GCLC: variants seen among roughly 807,000 people sequenced by gnomAD.
GCLC encodes the protein glutamate-cysteine ligase catalytic subunit, also known as glutamate--cysteine ligase catalytic subunit.
A neutral mutation model predicts 81.5 loss-of-function variants in GCLC; 30 were observed. That is an observed-to-expected ratio of 0.37 (90% CI 0.28 to 0.50). The LOEUF is 0.50. Among genes scored for constraint, GCLC ranks in the 20% least tolerant of loss-of-function variants. GCLC has a pLI of 0.96. For missense variants in GCLC, 556 were observed against 777.4 expected, an observed-to-expected ratio of 0.72 and a Z score of 3.39; for synonymous variants, 262 against 273.3, an observed-to-expected ratio of 0.96 and a Z score of 0.41.
Position 53,498,527 on chromosome 6 carries a change from G to T in GCLC, c.*229C>A, listed in dbSNP as rs1334047592. The T allele has an allele frequency of 1.7e-5, 9 of 542,354 alleles. No homozygotes were observed. Among genetic ancestry groups the T allele is most frequent in the Admixed American group, 3.2e-5 (1 of 31,116 alleles). 33.6% of individuals were successfully genotyped at this position (542,354 alleles called of 1,614,324 possible). ...TACAAGCCAGTTCATGATGACTTTA[G>T]ATATGTTATTAAAATACATTGTTAA... On this transcript the variant is annotated 3_prime_UTR_variant, in exon 16 of 16. Transcript: ENST00000650454.
intron 1 of GCLC, among the ~76,000 whole-genome samples, chr6:53,541,488 C>T (rs955834885): frequency 1.2e-4 from 19 of 152,202 alleles, no homozygotes; most frequent in Middle Eastern, 6.8e-3. Flanking sequence ...CACCCAGAGA[C>T]ATAACTGAAG....
rs3830796 is a variant in GCLC, at chr6:53,497,649, G to GAAA, written c.*1104_*1106dup. The GAAA allele has an allele frequency of 2.7e-4, 41 of 152,060 alleles. No homozygotes were observed. Among genetic ancestry groups the GAAA allele is most frequent in the African/African-American group, 9.2e-4 (38 of 41,354 alleles). The allele number at this position is 152,060 out of a possible 1,614,324, so 9.4% of individuals were successfully genotyped here. A position where few individuals can be genotyped will look rare whatever the true frequency, so the allele number is the denominator to read the frequency against. On this transcript the variant is annotated 3_prime_UTR_variant, in exon 16 of 16. Transcript: ENST00000650454. ...AGAAGCAGTTGACTTAACTAGTTGA[G>GAAA]AAAAAAAACAACAAACTTCAACGCA... is the stretch of plus-strand genomic sequence containing the variant.
rs1367561496 is a variant in GCLC at position 53,516,266 on chromosome 6, G to C, written c.447-44C>G. ...CTAAATAGATGGGATTTGTTTTCAA[G>C]AATTAATTGTGTGCAGTCTTGCCAT... On this transcript the variant is annotated intron_variant, in intron 3 of 15. Coordinates refer to ENST00000650454, the MANE Select transcript of GCLC (RefSeq NM_001498.4). 12 of 1,267,808 alleles carry C rather than the reference G, an allele frequency of 9.5e-6. No homozygotes were observed. In the African/African-American group the frequency reaches 1.8e-4, roughly 19 times the overall value. 78.5% of individuals were successfully genotyped at this position (1,267,808 alleles called of 1,614,324 possible).
Position 53,506,012 on chromosome 6 carries a change from G to A in GCLC, c.1198-117C>T. 2.8e-6 allele frequency: 2 copies of A among 726,448 alleles called. No individual in the cohort carries two copies. Among genetic ancestry groups the A allele is most frequent in the Admixed American group, 3.9e-5 (2 of 51,732 alleles). The allele number at this position is 726,448 out of a possible 1,614,324, so 45.0% of individuals were successfully genotyped here. On this transcript the variant is annotated intron_variant, in intron 10 of 15. Transcript: ENST00000650454. The surrounding 1 kb of genome is among the most constrained non-coding windows in gnomAD (Gnocchi z 4.0). ...TCACTGTCCATACCAAATTTCAATTGACAAAGACAAAAAGGTACAATTGAA... is the reference window on the plus strand; with the variant it reads ...TCACTGTCCATACCAAATTTCAATTAACAAAGACAAAAAGGTACAATTGAA...
At chr6:53,522,259 G>C (rs1296116021) in intron 2 of GCLC, among the ~76,000 whole-genome samples, 156 bp downstream of exon 2, 1 of 152,162 alleles carries the variant, frequency 6.6e-6, no homozygotes, top group East Asian at 1.9e-4. Flanking sequence ...TTCAGCTATT[G>C]AGTAAAGGAA....
chr6:53,539,873 T>C (rs1763322602), intron 1 of GCLC, among the ~76,000 whole-genome samples: 1 of 152,216 alleles, frequency 6.6e-6, no homozygotes, highest in South Asian at 2.1e-4. Flanking sequence ...TCTGAGCCAC[T>C]AGGCTTCTGA....
At chr6:53,540,706 A>ACACAG (rs1561953695) in intron 1 of GCLC, among the ~76,000 whole-genome samples, 2 of 119,300 alleles carry the variant, frequency 1.7e-5, no homozygotes, top group Non-Finnish European at 3.4e-5. Flanking sequence ...CACACACACA[A>ACACAG]AAGTCCTGGT....
At position 53,545,078 on chromosome 6, in the gene GCLC, T is replaced by C. The variant is rs1483205681; in HGVS notation, c.-433A>G. On this transcript the variant is annotated 5_prime_UTR_variant, in exon 1 of 16. Transcript: ENST00000650454. ...GCCGCCGCGGAGCATGCCCAGTCTTTGCGTCCGCTAGCTCGCCGCTCCTGG... is the reference window on the plus strand; with the variant it reads ...GCCGCCGCGGAGCATGCCCAGTCTTCGCGTCCGCTAGCTCGCCGCTCCTGG... The C allele has an allele frequency of 6.5e-6, 1 of 154,506 alleles. No individual in the cohort carries two copies. The highest frequency in any genetic ancestry group is 1.4e-5 in the Non-Finnish European group (1 of 69,676). The allele number at this position is 154,506 out of a possible 1,614,324, so 9.6% of individuals were successfully genotyped here.
In GCLC at chr6:53,500,418, A is replaced by G; in HGVS notation, c.1477+14T>C. The G allele has an allele frequency of 6.2e-7, 1 of 1,603,818 alleles. No individual in the cohort carries two copies. Among genetic ancestry groups the G allele is most frequent in the Non-Finnish European group, 8.5e-7 (1 of 1,170,548 alleles). ...AGCATAAGCTGACATTAGAAATCTA[A>G]GATAATGTAATACCTTTGCAAATAT... On this transcript the variant is annotated intron_variant, in intron 13 of 15. Coordinates refer to ENST00000650454, the MANE Select transcript of GCLC (RefSeq NM_001498.4).
intron 1 of GCLC, among the ~76,000 whole-genome samples, chr6:53,536,302 G>T (rs1008245944): frequency 1.3e-5 from 2 of 152,162 alleles, no homozygotes; most frequent in African/African-American, 4.8e-5. Flanking sequence ...TGCATGGGAT[G>T]GCCAGAGGAA....
At chr6:53,531,937 C>T (rs1763177867) in intron 1 of GCLC, among the ~76,000 whole-genome samples, 1 of 152,198 alleles carries the variant, frequency 6.6e-6, no homozygotes, top group Non-Finnish European at 1.5e-5. Flanking sequence ...TTCTAAACTA[C>T]TGTTTTTGAA....
intron 12 of GCLC, among the ~76,000 whole-genome samples, chr6:53,503,685 T>C (rs1764556686): frequency 6.6e-6 from 1 of 152,230 alleles, no homozygotes; most frequent in Non-Finnish European, 1.5e-5. Context: ...TACATTTGAG[T>C]TAAATATTTG....
chr6:53,542,358 T>C (rs1763372610), intron 1 of GCLC, among the ~76,000 whole-genome samples: 1 of 152,120 alleles, frequency 6.6e-6, no homozygotes, highest in African/African-American at 2.4e-5. Flanking sequence ...ATTGCAAATC[T>C]CTCCATGAAA....
At chr6:53,516,905 A>G (rs1426238016) in intron 3 of GCLC, among the ~76,000 whole-genome samples, 4 of 152,092 alleles carry the variant, frequency 2.6e-5, no homozygotes, top group Non-Finnish European at 5.9e-5. Context: ...CAAATTCTAC[A>G]TCACTTTTAG....
chr6:53,539,301 T>C (rs748973247), intron 1 of GCLC, among the ~76,000 whole-genome samples: 1 of 152,158 alleles, frequency 6.6e-6, no homozygotes, highest in Non-Finnish European at 1.5e-5. Flanking sequence ...GAACTTCTGT[T>C]TCCCACAGAA....
At chr6:53,526,369 G>A (rs901737671) in intron 1 of GCLC, among the ~76,000 whole-genome samples, 1 of 152,220 alleles carries the variant, frequency 6.6e-6, no homozygotes, top group African/African-American at 2.4e-5. Flanking sequence ...TGAAGTTTAA[G>A]GGTAAATACA....
chr6:53,544,071 C>T (rs932927996), intron 1 of GCLC, among the ~76,000 whole-genome samples: 1 of 152,166 alleles, frequency 6.6e-6, no homozygotes, highest in Non-Finnish European at 1.5e-5. Context: ...GACCTGATTT[C>T]TAAAAGCAGC....
At position 53,544,545 on chromosome 6, in the gene GCLC, T is replaced by C. The variant is rs1046192782; in HGVS notation, c.101A>G (p.Tyr34Cys). ...RHGILQFLHI[Y>C]HAVKDRHKDV... is the part of the protein sequence containing the mutation. ...CTTGTGCCGGTCCTTGACGGCGTGGTAGATGTGCAGGAACTGGAGGATCCC... is the reference window on the plus strand; with the variant it reads ...CTTGTGCCGGTCCTTGACGGCGTGGCAGATGTGCAGGAACTGGAGGATCCC... The change falls in exon 1 of 16, where the codon TAC becomes TGC. Residue 34 changes from tyrosine (Y) to cysteine (C), a missense_variant. Coordinates refer to ENST00000650454, the MANE Select transcript of GCLC (RefSeq NM_001498.4). The C allele has an allele frequency of 6.2e-7, 1 of 1,608,632 alleles. No individual in the cohort carries two copies. Among genetic ancestry groups the C allele is most frequent in the South Asian group, 1.1e-5 (1 of 91,082 alleles).
Position 53,506,011 on chromosome 6 carries a change from T to A in GCLC, c.1198-116A>T. The A allele has an allele frequency of 4.1e-6, 3 of 733,350 alleles. No homozygotes were observed. In the Admixed American group the frequency reaches 5.7e-5, roughly 14 times the overall value. 45.4% of individuals were successfully genotyped at this position (733,350 alleles called of 1,614,324 possible). ...CTCACTGTCCATACCAAATTTCAAT[T>A]GACAAAGACAAAAAGGTACAATTGA... On this transcript the variant is annotated intron_variant, in intron 10 of 15. Transcript: ENST00000650454. The surrounding 1 kb of genome is among the most constrained non-coding windows in gnomAD (Gnocchi z 4.0).
Sources: gnomAD v4.1 joint callset for allele counts (sites outside exome capture counted in the v4.1 genomes callset) on GRCh38, gnomAD v4.1.1 for gene constraint, Gnocchi (gnomAD v3.1) non-coding constraint, MANE v1.5 for transcripts, NCBI Gene and HGNC (gene_info 2026-07-23, HGNC 2026-07-21) for gene names.